The following TXNDC5 variants were observed in gnomAD, a reference collection of about 807,000 sequenced individuals.
TXNDC5 encodes thioredoxin domain-containing protein 5.
In TXNDC5, 44 loss-of-function variants were observed where a neutral mutation model predicts 52.6. That is an observed-to-expected ratio of 0.84 (90% CI 0.66 to 1.08). The LOEUF (loss-of-function observed/expected upper bound fraction) is 1.08, where lower values mean the gene tolerates loss of function less well. Among genes scored for constraint, TXNDC5 ranks in the 50% least tolerant of loss-of-function variants. TXNDC5 has a pLI of 0.00. For missense variants in TXNDC5, 600 were observed against 565.5 expected (o/e 1.06, Z -0.62); for synonymous variants, 241 against 234.4 (o/e 1.03, Z -0.26).
At position 7,888,727 on chromosome 6, in the gene TXNDC5, G is replaced by C; in HGVS notation, c.941C>G (p.Ala314Gly). 6.2e-7 allele frequency: 1 copy of C among 1,612,954 alleles called. No individual in the cohort carries two copies. The change falls in exon 7 of 10, where the codon GCA (alanine) becomes GGA (glycine). Residue 314 changes from alanine to glycine, a missense_variant. Coordinates refer to ENST00000379757, the MANE Select transcript of TXNDC5 (RefSeq NM_030810.5). ...TVTPSEAPVL[A>G]AEPEADKGTV... Reference sequence around the variant, plus strand: ...CACCTTGTCAGCCTCGGGCTCAGCTGCCAGCACCGGGGCCTCTGAGGGCGT... The same window carrying C: ...CACCTTGTCAGCCTCGGGCTCAGCTCCCAGCACCGGGGCCTCTGAGGGCGT...
At chr6:7,887,041 ACTC>A (rs1760006847) in intron 7 of TXNDC5, among the ~76,000 whole-genome samples, 2 of 151,848 alleles carry the variant, frequency 1.3e-5, no homozygotes, top group African/African-American at 4.8e-5. Flanking sequence ...TGACACATAC[ACTC>A]CTCTAACATA....
At chr6:7,894,493 T>G (rs573211989) in intron 4 of TXNDC5, among the ~76,000 whole-genome samples, 177 of 152,324 alleles carry the variant, frequency 1.2e-3, no homozygotes, top group Middle Eastern at 3.4e-3. Flanking sequence ...TCCGAGATAC[T>G]GTGGGTTTGG....
At chr6:7,893,114 C>T (rs943562775) in intron 4 of TXNDC5, among the ~76,000 whole-genome samples, 1 of 152,190 alleles carries the variant, frequency 6.6e-6, no homozygotes, top group Admixed American at 6.5e-5. Flanking sequence ...AACAAACAAA[C>T]CCTCACAGCA....
chr6:7,902,040 C>G (rs963883206), intron 2 of TXNDC5, among the ~76,000 whole-genome samples: 8 of 152,080 alleles, frequency 5.3e-5, no homozygotes, highest in African/African-American at 1.2e-4. Flanking sequence ...CACACACACA[C>G]AGAGAGAGAA....
At chr6:7,885,248 A>G (rs1759924608) in intron 8 of TXNDC5, among the ~76,000 whole-genome samples, 1 of 152,224 alleles carries the variant, frequency 6.6e-6, no homozygotes, top group South Asian at 2.1e-4. Context: ...GTTTAGATAA[A>G]CAATCTACTG....
At position 7,891,618 on chromosome 6, in the gene TXNDC5, C is replaced by T; in HGVS notation, c.732+3G>A. 1 of 1,613,052 alleles carries T rather than the reference C, an allele frequency of 6.2e-7. No homozygotes were observed. The highest frequency in any genetic ancestry group is 8.5e-7 in the Non-Finnish European group (1 of 1,179,226). On this transcript the variant is annotated splice_donor_region_variant and intron_variant, in intron 5 of 9. Transcript: ENST00000379757. ...TTCCAGTTTAATAAGGGCTTTCACT[C>T]ACCTTGCCAATCTTGACAGTTTCGG...
intron 9 of TXNDC5, 82 bp from the exon 10 acceptor site, chr6:7,883,348 TCCTACCGTTG>T (rs1759838323): frequency 1.3e-6 from 2 of 1,592,034 alleles, no homozygotes; most frequent in Admixed American, 3.4e-5. Flanking sequence ...CCAGATACAC[TCCTACCGTTG>T]TGGCTGGAAA....
intron 1 of TXNDC5, among the ~76,000 whole-genome samples, chr6:7,909,605 CG>C (rs979859721): frequency 3.9e-5 from 6 of 152,154 alleles, no homozygotes; most frequent in Non-Finnish European, 7.3e-5. Context: ...GACCTGGACC[CG>C]AGAGAGCAGC....
At chr6:7,895,849 T>G (rs1760351805) in intron 3 of TXNDC5, among the ~76,000 whole-genome samples, 1 of 152,056 alleles carries the variant, frequency 6.6e-6, no homozygotes, top group Admixed American at 6.6e-5. Flanking sequence ...TTTATTTACC[T>G]GAGCATGGTG....
chr6:7,882,410 A>AGGAACT lies in TXNDC5; in HGVS notation c.*728_*733dup, dbSNP rs1759789975. 6.6e-6 allele frequency: 1 copy of AGGAACT among 152,248 alleles called. No individual in the cohort carries two copies. The highest frequency in any genetic ancestry group is 2.1e-4 in the South Asian group (1 of 4,830). The allele number at this position is 152,248 out of a possible 1,614,324, so 9.4% of individuals were successfully genotyped here. On this transcript the variant is annotated 3_prime_UTR_variant, in exon 10 of 10. Transcript: ENST00000379757. ...TGGGCTCTGGCTTCGTGTTAACATGAGGAACTAAAGACATGTTTCACCCCG... is the reference window on the plus strand; with the variant it reads ...TGGGCTCTGGCTTCGTGTTAACATGAGGAACTGGAACTAAAGACATGTTTCACCCCG...
chr6:7,900,847 G>A (rs886452519), intron 2 of TXNDC5, among the ~76,000 whole-genome samples: 6 of 152,094 alleles, frequency 3.9e-5, no homozygotes, highest in South Asian at 2.1e-4. Flanking sequence ...CTATTCATGA[G>A]AGCTCCACCC....
At position 7,882,250 on chromosome 6, in the gene TXNDC5, A is replaced by G. The variant is rs1403469333; in HGVS notation, c.*894T>C. ...GCCTCCCTGGATACCCAGGCCTGGGAAAGCCTGTCTGGTCTTGTCACCCCA... is the reference window on the plus strand; with the variant it reads ...GCCTCCCTGGATACCCAGGCCTGGGGAAGCCTGTCTGGTCTTGTCACCCCA... On this transcript the variant is annotated 3_prime_UTR_variant, in exon 10 of 10. Transcript: ENST00000379757. 1.3e-5 allele frequency: 2 copies of G among 152,588 alleles called. No individual in the cohort carries two copies. 9.5% of individuals were successfully genotyped at this position (152,588 alleles called of 1,614,324 possible).
At chr6:7,898,348 AC>A (rs1271794451) in intron 3 of TXNDC5, among the ~76,000 whole-genome samples, 12 of 152,078 alleles carry the variant, frequency 7.9e-5, no homozygotes, top group Admixed American at 7.2e-4. Flanking sequence ...GAGCCACCAC[AC>A]CCAGCCGAGT....
chr6:7,889,093 A>G, intron 6 of TXNDC5: 1 of 501,268 alleles, frequency 2.0e-6, no homozygotes, highest in South Asian at 3.7e-5. Flanking sequence ...TCTGGGGCAG[A>G]GGCCTGCCAG....
intron 2 of TXNDC5, among the ~76,000 whole-genome samples, chr6:7,902,448 C>T (rs1292309669): frequency 1.3e-5 from 2 of 152,188 alleles, no homozygotes; most frequent in East Asian, 3.8e-4. Context: ...ACTCCAGTTA[C>T]ACTTGCCAGG....
intron 1 of TXNDC5, among the ~76,000 whole-genome samples, chr6:7,908,006 C>A (rs946658773): frequency 6.6e-6 from 1 of 152,146 alleles, no homozygotes; most frequent in African/African-American, 2.4e-5. Flanking sequence ...ACAAATATGC[C>A]AGGTGCGGTG....
Position 7,883,237 on chromosome 6 carries a change from G to A in TXNDC5, c.1206C>T (p.Phe402=), listed in dbSNP as rs978948299. The A allele has an allele frequency of 8.7e-6, 14 of 1,613,978 alleles. No homozygotes were observed. The Admixed American group carries it at 1.7e-4, about 19-fold the overall frequency. ...SVRGYPTLLL[F]RGGKKVSEHS... The stretch of plus-strand genomic sequence containing the variant: ...GCTCACTGACTTTCTTCCCTCCTCG[G>A]AAAAGCAATAACGTGGGGTAGCCTC... Residue 402 remains phenylalanine (F), a synonymous_variant, in exon 10 of 10, where the codon TTC becomes TTT. Coordinates refer to ENST00000379757, the MANE Select transcript of TXNDC5 (RefSeq NM_030810.5).
At chr6:7,899,296 G>A (rs1409048631) in intron 3 of TXNDC5, among the ~76,000 whole-genome samples, 2 of 152,186 alleles carry the variant, frequency 1.3e-5, no homozygotes, top group Non-Finnish European at 2.9e-5. Flanking sequence ...GCAGGGTGGT[G>A]GGGAAGACAA....
intron 4 of TXNDC5, among the ~76,000 whole-genome samples, chr6:7,893,554 T>G (rs1380583151): frequency 6.6e-6 from 1 of 152,170 alleles, no homozygotes; most frequent in African/African-American, 2.4e-5. Context: ...AGTCGGTCTG[T>G]CCTGCCGGAG....
Sources: allele counts gnomAD v4.1 joint callset (sites outside exome capture counted in the v4.1 genomes callset), GRCh38; gene constraint gnomAD v4.1.1; transcripts MANE v1.5; gene names NCBI Gene and HGNC (gene_info 2026-07-23, HGNC 2026-07-21).